COTL1: variants seen among roughly 807,000 people sequenced by gnomAD.
The protein encoded by COTL1 is coactosin-like protein.
In COTL1, 15 loss-of-function variants were observed where a neutral mutation model predicts 16.5. The observed-to-expected ratio is 0.91, with a 90% confidence interval of 0.61 to 1.40. COTL1 has a LOEUF of 1.40. COTL1 is among the 40% of genes most tolerant of loss of function. COTL1 has a pLI of 0.00. For missense variants in COTL1, 220 were observed against 201.5 expected (o/e 1.09, Z -0.56); for synonymous variants, 112 against 85.3 (o/e 1.31, Z -1.73).
intron 2 of COTL1, among the ~76,000 whole-genome samples, chr16:84,611,392 G>C (rs141408495): frequency 6.6e-6 from 1 of 152,352 alleles, no homozygotes; most frequent in East Asian, 1.9e-4. Context: ...GAAGAAGAGG[G>C]GAAGATAGGG....
chr16:84,590,217 G>T lies in COTL1; in HGVS notation c.206C>A (p.Ala69Asp), dbSNP rs1412553058. 1.2e-6 allele frequency: 2 copies of T among 1,614,142 alleles called. No individual in the cohort carries two copies. The highest frequency in any genetic ancestry group is 3.3e-5 in the Admixed American group (2 of 60,022). ...GGCAAACTTGGACCTCTTGCTCATGGCATCCCCGGTGGTGAAGCGCACGAA... is the reference window on the plus strand; with the variant it reads ...GGCAAACTTGGACCTCTTGCTCATGTCATCCCCGGTGGTGAAGCGCACGAA... Reference protein sequence around the residue: ...FAFVRFTTGDAMSKRSKFALI... With the variant: ...FAFVRFTTGDDMSKRSKFALI... The change falls in exon 3 of 4, where the codon GCC (alanine) becomes GAC (aspartate). Residue 69 changes from alanine (A) to aspartate (D), a missense_variant. Coordinates refer to ENST00000262428, the MANE Select transcript of COTL1 (RefSeq NM_021149.5). The surrounding 1 kb of genome is among the most constrained non-coding windows in gnomAD (Gnocchi z 5.5).
intron 3 of COTL1, among the ~76,000 whole-genome samples, chr16:84,572,517 G>A (rs1236517056): frequency 1.3e-5 from 2 of 152,166 alleles, no homozygotes; most frequent in Non-Finnish European, 2.9e-5. Flanking sequence ...CTGGCGTGCA[G>A]TGGTGCGATC....
chr16:84,591,420 G>C (rs2150688290), intron 2 of COTL1, among the ~76,000 whole-genome samples: 1 of 151,414 alleles, frequency 6.6e-6, no homozygotes, highest in South Asian at 2.1e-4. Flanking sequence ...TCCTGACCTT[G>C]TATTCCACCC....
intron 2 of COTL1, among the ~76,000 whole-genome samples, chr16:84,609,507 C>T (rs901120935): frequency 2.0e-5 from 3 of 152,206 alleles, no homozygotes; most frequent in African/African-American, 7.2e-5. Context: ...AGTGGTTAGT[C>T]GGACTCTCCT....
intron 2 of COTL1, among the ~76,000 whole-genome samples, chr16:84,604,716 G>T (rs537893249): frequency 6.6e-6 from 1 of 152,294 alleles, no homozygotes. Context: ...GGGCCCAGAG[G>T]GGGCTGTGGC....
intron 3 of COTL1, among the ~76,000 whole-genome samples, chr16:84,585,353 CAA>C (rs5818498): frequency 7.1e-5 from 9 of 126,960 alleles, no homozygotes; most frequent in Admixed American, 1.5e-4. Flanking sequence ...AGATTGTCTC[CAA>C]AAAAAAAAAA....
intron 3 of COTL1, 71 bp from the exon 4 acceptor site, chr16:84,567,026 A>C: frequency 9.6e-7 from 1 of 1,046,412 alleles, no homozygotes; most frequent in Non-Finnish European, 1.5e-6. Context: ...TGGCTCAGGC[A>C]ACACACTGGG....
chr16:84,587,973 T>C (rs1904774554), intron 3 of COTL1, among the ~76,000 whole-genome samples: 3 of 152,046 alleles, frequency 2.0e-5, no homozygotes, highest in South Asian at 4.1e-4. Context: ...AGTTTTGCCA[T>C]GTTGGCCAGG....
intron 3 of COTL1, among the ~76,000 whole-genome samples, chr16:84,587,863 C>T (rs981730347): frequency 2.0e-5 from 3 of 152,046 alleles, no homozygotes; most frequent in African/African-American, 7.2e-5. Flanking sequence ...CTTCCGCCTC[C>T]TGGTTTCAAG....
At chr16:84,595,055 G>C (rs1015012365) in intron 2 of COTL1, 6 of 152,130 alleles carry the variant, frequency 3.9e-5, no homozygotes, top group African/African-American at 1.4e-4. Context: ...ACAGATTCTT[G>C]TTGAAGAACC....
At chr16:84,603,218 G>A (rs911046417) in intron 2 of COTL1, among the ~76,000 whole-genome samples, 1 of 152,182 alleles carries the variant, frequency 6.6e-6, no homozygotes, top group Non-Finnish European at 1.5e-5. Flanking sequence ...CAGCCCGCAA[G>A]CCTGCGCACA....
intron 2 of COTL1, among the ~76,000 whole-genome samples, chr16:84,598,883 T>C (rs1238061086): frequency 1.4e-5 from 2 of 146,894 alleles, no homozygotes; most frequent in Non-Finnish European, 3.0e-5. Context: ...CTGGAGCTGC[T>C]GGGCAGTCAA....
rs377186681 is a variant in COTL1 at position 84,584,576 on chromosome 16, G to T, written c.318+5529C>A. Among the ~76,000 whole-genome samples, 23 of 152,302 alleles carry T rather than the reference G, an allele frequency of 1.5e-4. No individual in the cohort carries two copies. The South Asian group carries it at 4.6e-3, about 30-fold the overall frequency. ...GAGGCCAGACCCTTCCTGTGTGGCT[G>T]ACGGCTGGCAATATCCGTGAACAAC... is the stretch of plus-strand genomic sequence containing the variant. On this transcript the variant is annotated intron_variant, in intron 3 of 3. Coordinates refer to ENST00000262428, the MANE Select transcript of COTL1 (RefSeq NM_021149.5).
chr16:84,607,396 A>G (rs1341799536), intron 2 of COTL1, among the ~76,000 whole-genome samples: 1 of 151,074 alleles, frequency 6.6e-6, no homozygotes, highest in Non-Finnish European at 1.5e-5. Flanking sequence ...TTCAAAGTGC[A>G]GTTCTTCCCA....
At chr16:84,589,470 T>G (rs1469479) in intron 3 of COTL1, among the ~76,000 whole-genome samples, 28,020 of 151,990 alleles carry the variant, frequency 0.18, 2,673 homozygotes, top group South Asian at 0.26. Flanking sequence ...GAGGGAGAGA[T>G]TCCCTACTTC....
chr16:84,589,510 G>T (rs1940179077), intron 3 of COTL1, among the ~76,000 whole-genome samples: 1 of 152,046 alleles, frequency 6.6e-6, no homozygotes, highest in Non-Finnish European at 1.5e-5. Flanking sequence ...TTTGCGAAAT[G>T]GAGATCCCTT....
rs369285775 is a variant in COTL1 at position 84,571,517 on chromosome 16, C to G, written c.319-4562G>C. On this transcript the variant is annotated intron_variant, in intron 3 of 3. Transcript: ENST00000262428. ...CACCTGGGTCCGCTCATCTCTCCCC[C>G]CTGCCCATCAGCTTCCCTCCCCTCT... 5.4e-4 allele frequency among the ~76,000 whole-genome samples: 82 copies of G among 152,322 alleles called. No individual in the cohort carries two copies. The South Asian group carries it at 9.1e-3, about 17-fold the overall frequency.
At position 84,569,630 on chromosome 16, in the gene COTL1, T is replaced by G. The variant is rs550508754; in HGVS notation, c.319-2675A>C. On this transcript the variant is annotated intron_variant, in intron 3 of 3. Transcript: ENST00000262428. ...TTTTACTTTTTGAAGATAAGACTCATGGGCTGGGCTTGGAGAGATTTGCCC... is the reference window on the plus strand; with the variant it reads ...TTTTACTTTTTGAAGATAAGACTCAGGGGCTGGGCTTGGAGAGATTTGCCC... Among the ~76,000 whole-genome samples, 6 of 152,310 alleles carry G rather than the reference T, an allele frequency of 3.9e-5. No individual in the cohort carries two copies. The South Asian group carries it at 1.2e-3, about 32-fold the overall frequency.
chr16:84,598,285 C>G (rs570965432), intron 2 of COTL1, among the ~76,000 whole-genome samples: 11 of 152,300 alleles, frequency 7.2e-5, no homozygotes, highest in African/African-American at 2.6e-4. Context: ...TCTATGAAGC[C>G]TCATCAGAAG....
Sources: allele counts gnomAD v4.1 joint callset (sites outside exome capture counted in the v4.1 genomes callset), GRCh38; gene constraint gnomAD v4.1.1; non-coding constraint Gnocchi (gnomAD v3.1); transcripts MANE v1.5; gene names NCBI Gene and HGNC (gene_info 2026-07-23, HGNC 2026-07-21).